MFSD11: variants seen among roughly 807,000 people sequenced by gnomAD.
MFSD11 encodes the protein major facilitator superfamily domain containing 11.
MFSD11 carries 36 observed loss-of-function variants against 53.5 expected under a neutral mutation model. That is an observed-to-expected ratio of 0.67 (90% CI 0.52 to 0.89). MFSD11 has a LOEUF of 0.89. MFSD11 is among the 40% of genes least tolerant of loss of function. The pLI is 0.00. For missense variants in MFSD11, 530 were observed against 543.9 expected (o/e 0.97, Z 0.25); for synonymous variants, 186 against 184.9 (o/e 1.01, Z -0.05).
intron 7 of MFSD11, among the ~76,000 whole-genome samples, chr17:76,750,005 C>T (rs1481424006): frequency 6.6e-6 from 1 of 151,610 alleles, no homozygotes; most frequent in Admixed American, 6.6e-5. Context: ...TAAGTCAGGG[C>T]CTGAAAGAGG....
intron 7 of MFSD11, among the ~76,000 whole-genome samples, chr17:76,747,342 T>C (rs892681501): frequency 1.3e-5 from 2 of 151,164 alleles, no homozygotes; most frequent in Non-Finnish European, 3.0e-5. Context: ...GGTGAAACTT[T>C]TTTTTTTTTT....
At position 76,738,212 on chromosome 17, in the gene MFSD11, G is replaced by T; in HGVS notation, c.-141G>T. 1 of 630,872 alleles carries T rather than the reference G, an allele frequency of 1.6e-6. No individual in the cohort carries two copies. Among genetic ancestry groups the T allele is most frequent in the Non-Finnish European group, 2.8e-6 (1 of 355,586 alleles). 39.1% of individuals were successfully genotyped at this position (630,872 alleles called of 1,614,324 possible). On this transcript the variant is annotated 5_prime_UTR_variant, in exon 1 of 13. Transcript: ENST00000685175. The stretch of plus-strand genomic sequence containing the variant: ...ACCTGGGGTTCCGATCCAGGAACTG[G>T]AAGTTGACAGCTTGGCTGCCTGGCT...
chr17:76,794,774 C>T, the MFSD11 span, among the ~76,000 whole-genome samples: 1 of 132,028 alleles, frequency 7.6e-6, no homozygotes, highest in African/African-American at 2.9e-5. Context: ...CTCACTGCAA[C>T]TTCCACCTCC....
At chr17:76,769,927 T>C (rs1409682339) in intron 10 of MFSD11, 56 bp downstream of exon 10, 1 of 1,516,574 alleles carries the variant, frequency 6.6e-7, no homozygotes, top group African/African-American at 1.4e-5. Flanking sequence ...ATAGGTAAAA[T>C]AGAAATTTTA....
At chr17:76,739,517 C>T (rs571414371) in intron 2 of MFSD11, among the ~76,000 whole-genome samples, 2 of 152,164 alleles carry the variant, frequency 1.3e-5, no homozygotes, top group East Asian at 3.9e-4. Flanking sequence ...TGTGATTGGA[C>T]CTGAGAATGT....
At chr17:76,800,589 G>T in the MFSD11 span, among the ~76,000 whole-genome samples, 1 of 152,022 alleles carries the variant, frequency 6.6e-6, no homozygotes, top group Non-Finnish European at 1.5e-5. Context: ...ATAATAACCT[G>T]TTTGAAAAAG....
At chr17:76,737,510 G>T, upstream of MFSD11, 1 of 310,970 alleles carries the variant, frequency 3.2e-6, no homozygotes, top group Non-Finnish European at 6.0e-6. Context: ...CAAAAAGCGC[G>T]GAGTCACGGC....
upstream of MFSD11, chr17:76,737,538 G>A (rs1215480864): frequency 7.2e-6 from 2 of 276,600 alleles, no homozygotes; most frequent in Non-Finnish European, 1.4e-5. Context: ...AGGGGGAGCG[G>A]AATTAGCGGG....
chr17:76,757,594 T>A (rs1382615367), intron 8 of MFSD11, among the ~76,000 whole-genome samples: 1 of 152,238 alleles, frequency 6.6e-6, no homozygotes, highest in African/African-American at 2.4e-5. Context: ...CTTCCCAGAC[T>A]GAATTTATAC....
At chr17:76,767,814 A>C (rs1178865401) in intron 9 of MFSD11, among the ~76,000 whole-genome samples, 1 of 152,196 alleles carries the variant, frequency 6.6e-6, no homozygotes, top group Non-Finnish European at 1.5e-5. Flanking sequence ...CTCAGGCTTC[A>C]GTCTAGCCCA....
chr17:76,792,523 A>T, the MFSD11 span, among the ~76,000 whole-genome samples: 1 of 151,040 alleles, frequency 6.6e-6, no homozygotes, highest in Non-Finnish European at 1.5e-5. Context: ...CCCATTTTAT[A>T]GATGAGAAAA....
the MFSD11 span, among the ~76,000 whole-genome samples, chr17:76,792,889 G>A: frequency 6.6e-6 from 1 of 151,354 alleles, no homozygotes; most frequent in Non-Finnish European, 1.5e-5. Context: ...TTTTAAAGCT[G>A]GGCATCTGGG....
At chr17:76,785,439 C>T (rs897292200), downstream of MFSD11, among the ~76,000 whole-genome samples, 3 of 152,138 alleles carry the variant, frequency 2.0e-5, no homozygotes, top group African/African-American at 2.4e-5. Context: ...TGGCCTCAAG[C>T]GGTCCTCCCA....
At chr17:76,760,412 C>T (rs1598650736) in intron 8 of MFSD11, among the ~76,000 whole-genome samples, 1 of 151,998 alleles carries the variant, frequency 6.6e-6, no homozygotes, top group East Asian at 1.9e-4. Flanking sequence ...GTCTTGCTGT[C>T]TTGGTTGGCA....
At chr17:76,737,320 T>C, upstream of MFSD11, 2 of 1,039,954 alleles carry the variant, frequency 1.9e-6, no homozygotes, top group Non-Finnish European at 2.7e-6. Flanking sequence ...CTAGCGCACC[T>C]GAGTAACAAC....
chr17:76,769,094 C>T (rs2081152247), intron 9 of MFSD11: 1 of 152,192 alleles, frequency 6.6e-6, no homozygotes, highest in Non-Finnish European at 1.5e-5. Context: ...ATCACCTCTG[C>T]CCATCTCCGC....
chr17:76,791,613 C>T, the MFSD11 span, among the ~76,000 whole-genome samples: 3 of 148,476 alleles, frequency 2.0e-5, no homozygotes, highest in Admixed American at 6.7e-5. Context: ...CGTGGGGGAG[C>T]CGCACGGGGT....
In MFSD11 at chr17:76,741,005, G is replaced by A. The variant is rs769082196; in HGVS notation, c.201G>A (p.Pro67=). 37 of 1,611,564 alleles carry A rather than the reference G, an allele frequency of 2.3e-5. No homozygotes were observed. In the South Asian group the frequency reaches 2.4e-4, roughly 11 times the overall value. The change falls in exon 3 of 13, where the codon CCG becomes CCA. Residue 67 remains proline, a synonymous_variant. Transcript: ENST00000685175. ...TCTCTGCTTCAAATTTGATTACACC[G>A]TCAGTGGTTGCCATTGTAGGACCTC... ...GVFSASNLIT[P]SVVAIVGPQL... is the part of the protein sequence containing the mutation.
At position 76,776,466 on chromosome 17, in the gene MFSD11, C is replaced by G. The variant is rs78943901; in HGVS notation, c.1110C>G (p.Thr370=). ...GCCTTGGAGACAGCTGCTTTAATAC[C>G]CAGCTGCTTAGTATCTTGGGCTTTC... ...LLGLGDSCFN[T]QLLSILGFLY... is the part of the protein sequence containing the mutation. The change falls in exon 12 of 13, where the codon ACC becomes ACG. Residue 370 remains threonine (T), a synonymous_variant. Transcript: ENST00000685175. The surrounding 1 kb of genome is among the most constrained non-coding windows in gnomAD (Gnocchi z 4.2). 6.2e-7 allele frequency: 1 copy of G among 1,613,760 alleles called. No homozygotes were observed. The highest frequency in any genetic ancestry group is 2.2e-5 in the East Asian group (1 of 44,882).
Sources: allele counts gnomAD v4.1 joint callset (sites outside exome capture counted in the v4.1 genomes callset), GRCh38; gene constraint gnomAD v4.1.1; non-coding constraint Gnocchi (gnomAD v3.1); transcripts MANE v1.5; gene names NCBI Gene and HGNC (gene_info 2026-07-23, HGNC 2026-07-21).